GULP1: variants seen among roughly 807,000 people sequenced by gnomAD.
The protein encoded by GULP1 is PTB domain-containing engulfment adapter protein 1.
Under a neutral mutation model 40.9 loss-of-function variants are expected in GULP1, and 19 were observed. The observed-to-expected ratio is 0.46, with a 90% CI of 0.32 to 0.68. GULP1 has a LOEUF of 0.68. Ranked by LOEUF, GULP1 falls within the 30% of genes least tolerant of loss-of-function variation. The probability of loss-of-function intolerance (pLI) is 0.03; values close to 1 mark genes in which losing one functional copy is unlikely to be tolerated. For synonymous variants in GULP1, 119 were observed against 117.6 expected (o/e 1.01, Z -0.08); for missense variants, 312 against 362.2 (o/e 0.86, Z 1.12).
chr2:188,293,364 A>T (rs1017964504), intron 1 of GULP1, among the ~76,000 whole-genome samples: 7 of 152,242 alleles, frequency 4.6e-5, no homozygotes, highest in Non-Finnish European at 1.0e-4. Context: ...TGCTTTTAAA[A>T]TACGTTACAC....
intron 1 of GULP1, among the ~76,000 whole-genome samples, chr2:188,330,952 T>G (rs1205175330): frequency 1.3e-5 from 2 of 152,180 alleles, no homozygotes; most frequent in Non-Finnish European, 2.9e-5. Flanking sequence ...GAAGATGTTT[T>G]GAACCACAAG....
At chr2:188,400,017 A>G (rs78248475) in intron 2 of GULP1, among the ~76,000 whole-genome samples, 278 of 152,320 alleles carry the variant, frequency 1.8e-3, no homozygotes, top group Non-Finnish European at 3.5e-3. Context: ...TAGGAGGCAT[A>G]GAACTATAAA....
At position 188,297,600 on chromosome 2, in the gene GULP1, C is replaced by T. The variant is rs370269522; in HGVS notation, c.-172+5434C>T. ...CCTGGGGGAACCATGGATGGCTATC[C>T]TTATTTCTATAAGAGAGGAGACTGA... On this transcript the variant is annotated intron_variant, in intron 1 of 11. Coordinates refer to ENST00000409830, the MANE Select transcript of GULP1 (RefSeq NM_016315.4). 94 of 426,218 alleles carry T rather than the reference C, an allele frequency of 2.2e-4. 1 individual carries two copies. Among genetic ancestry groups the T allele is most frequent in the African/African-American group, 1.8e-3 (82 of 46,434 alleles). The allele number at this position is 426,218 out of a possible 1,614,324, so 26.4% of individuals were successfully genotyped here. A position where few individuals can be genotyped will look rare whatever the true frequency, so the allele number is the denominator to read the frequency against.
intron 1 of GULP1, among the ~76,000 whole-genome samples, chr2:188,317,881 A>G (rs2039360905): frequency 6.6e-6 from 1 of 152,076 alleles, no homozygotes; most frequent in African/African-American, 2.4e-5. Flanking sequence ...GAGTAAAACT[A>G]TAGTTCCATA....
chr2:188,494,379 C>CGG (rs1449601621), intron 4 of GULP1, among the ~76,000 whole-genome samples: 1 of 151,904 alleles, frequency 6.6e-6, no homozygotes, highest in Non-Finnish European at 1.5e-5. Context: ...GATGAAACAG[C>CGG]GGATTTTTTC....
intron 1 of GULP1, among the ~76,000 whole-genome samples, chr2:188,333,972 C>T (rs953451919): frequency 3.3e-5 from 5 of 152,092 alleles, no homozygotes; most frequent in African/African-American, 7.2e-5. Context: ...AGCTGCAGGG[C>T]CTGCTGAATT....
At chr2:188,432,743 A>G (rs1378573589) in intron 2 of GULP1, among the ~76,000 whole-genome samples, 1 of 152,116 alleles carries the variant, frequency 6.6e-6, no homozygotes, top group Non-Finnish European at 1.5e-5. Flanking sequence ...TTATTTATTT[A>G]ATATTTACTT....
chr2:188,528,471 G>A (rs1686738955), intron 5 of GULP1, among the ~76,000 whole-genome samples: 1 of 151,152 alleles, frequency 6.6e-6, no homozygotes, highest in Non-Finnish European at 1.5e-5. Context: ...AACTCAATGA[G>A]AAAGTATAAT....
rs562315398 is a variant in GULP1, at chr2:188,529,093, G to A, written c.163-4G>A. 39 of 1,336,884 alleles carry A rather than the reference G, an allele frequency of 2.9e-5. No homozygotes were observed. Among genetic ancestry groups the A allele is most frequent in the African/African-American group, 7.4e-5 (5 of 67,976 alleles). 82.8% of individuals were successfully genotyped at this position (1,336,884 alleles called of 1,614,324 possible). On this transcript the variant is annotated splice_region_variant and splice_polypyrimidine_tract_variant and intron_variant, in intron 5 of 11. Coordinates refer to ENST00000409830, the MANE Select transcript of GULP1 (RefSeq NM_016315.4). ...TAGCTTTGTGAATAATTTTTCATTC[G>A]TAGTTTGCAAGACATATCAAGAAAT...
intron 4 of GULP1, among the ~76,000 whole-genome samples, chr2:188,518,671 G>T (rs1258228124): frequency 6.6e-6 from 1 of 152,170 alleles, no homozygotes; most frequent in Non-Finnish European, 1.5e-5. Context: ...AGTTGATAAA[G>T]TGGATCCCAG....
At position 188,366,794 on chromosome 2, in the gene GULP1, C is replaced by T. The variant is rs370337327; in HGVS notation, c.-171-16969C>T. On this transcript the variant is annotated intron_variant, in intron 1 of 11. Coordinates refer to ENST00000409830, the MANE Select transcript of GULP1 (RefSeq NM_016315.4). ...ATTTTTAGTAGAGATGGGGTTTCACCGTGTTAGCCAGGATGGTCTGGATCT... is the reference window on the plus strand; with the variant it reads ...ATTTTTAGTAGAGATGGGGTTTCACTGTGTTAGCCAGGATGGTCTGGATCT... 2.3e-4 allele frequency among the ~76,000 whole-genome samples: 35 copies of T among 152,092 alleles called. No individual in the cohort carries two copies. The South Asian group carries it at 5.6e-3, about 24-fold the overall frequency.
intron 1 of GULP1, among the ~76,000 whole-genome samples, chr2:188,360,626 A>G (rs1041069405): frequency 6.6e-6 from 1 of 152,056 alleles, no homozygotes; most frequent in African/African-American, 2.4e-5. Context: ...TGGTTTGGTC[A>G]TGGTGTGCAC....
intron 2 of GULP1, among the ~76,000 whole-genome samples, chr2:188,463,571 G>A (rs1285241136): frequency 1.3e-5 from 2 of 151,818 alleles, no homozygotes; most frequent in Non-Finnish European, 2.9e-5. Context: ...TAGGAAGTTC[G>A]CTGTTATTAT....
intron 1 of GULP1, among the ~76,000 whole-genome samples, chr2:188,381,515 C>T (rs1430490227): frequency 6.6e-6 from 1 of 151,832 alleles, no homozygotes; most frequent in African/African-American, 2.4e-5. Context: ...TTGAATTGAC[C>T]ATTTTAAGGA....
At chr2:188,553,118 T>G (rs1225039338) in intron 7 of GULP1, among the ~76,000 whole-genome samples, 2 of 151,906 alleles carry the variant, frequency 1.3e-5, no homozygotes, top group Non-Finnish European at 2.9e-5. Flanking sequence ...AGATATAAGA[T>G]CATATCAGCA....
At chr2:188,473,752 G>T (rs1005204362) in intron 2 of GULP1, among the ~76,000 whole-genome samples, 1 of 151,902 alleles carries the variant, frequency 6.6e-6, no homozygotes, top group Admixed American at 6.6e-5. Context: ...CCCAAGAGAC[G>T]AGTTGGTTCT....
At chr2:188,435,339 A>G (rs2057306443) in intron 2 of GULP1, among the ~76,000 whole-genome samples, 1 of 151,992 alleles carries the variant, frequency 6.6e-6, no homozygotes, top group Admixed American at 6.6e-5. Flanking sequence ...TGCTGATCTC[A>G]TTGACAACCT....
intron 4 of GULP1, among the ~76,000 whole-genome samples, chr2:188,488,478 A>G (rs965979409): frequency 3.3e-5 from 5 of 152,058 alleles, no homozygotes; most frequent in African/African-American, 1.2e-4. Context: ...GTTTATTGTT[A>G]TTAATATAGT....
Position 188,541,566 on chromosome 2 carries a change from C to T in GULP1, c.399+248C>T, listed in dbSNP as rs942842054. 5.1e-6 allele frequency: 3 copies of T among 584,346 alleles called. No individual in the cohort carries two copies. In the East Asian group the frequency reaches 8.4e-5, roughly 16 times the overall value. 36.2% of individuals were successfully genotyped at this position (584,346 alleles called of 1,614,324 possible). ...CATGTAAATTTCTTTTATTAGAATG[C>T]CATGCCTGCTTATGTTATGCATGTA... On this transcript the variant is annotated intron_variant, in intron 7 of 11. Transcript: ENST00000409830.
Sources: allele counts gnomAD v4.1 joint callset (sites outside exome capture counted in the v4.1 genomes callset), GRCh38; gene constraint gnomAD v4.1.1; transcripts MANE v1.5; gene names NCBI Gene and HGNC (gene_info 2026-07-23, HGNC 2026-07-21).